PCDHGA2: variants seen among roughly 807,000 people sequenced by gnomAD.
The protein encoded by PCDHGA2 is protocadherin gamma-A2.
Under a neutral mutation model 59.2 loss-of-function variants are expected in PCDHGA2, and 40 were observed. The observed-to-expected ratio is 0.68, with a 90% CI of 0.52 to 0.88. The LOEUF (loss-of-function observed/expected upper bound fraction) is 0.88. Ranked by LOEUF, PCDHGA2 falls within the 40% of genes least tolerant of loss-of-function variation. The probability of loss-of-function intolerance (pLI) is 0.00; values close to 1 mark genes in which losing one functional copy is unlikely to be tolerated. For synonymous variants in PCDHGA2, 560 were observed against 526.0 expected (o/e 1.06, Z -0.89); for missense variants, 1,226 against 1,204.0 (o/e 1.02, Z -0.27).
chr5:141,366,958 A>G, intron 1 of PCDHGA2: 1 of 658,344 alleles, frequency 1.5e-6, no homozygotes, highest in Non-Finnish European at 2.4e-6. Flanking sequence ...TGTAGACTTA[A>G]GTGAAACAAA....
chr5:141,507,849 C>CA (rs2099864208), intron 3 of PCDHGA2, among the ~76,000 whole-genome samples: 1 of 152,222 alleles, frequency 6.6e-6, no homozygotes, highest in African/African-American at 2.4e-5. Flanking sequence ...GCCCTGCTCT[C>CA]ACTTTCACAC....
chr5:141,392,511 A>T (rs1368500575), intron 1 of PCDHGA2: 1 of 240,352 alleles, frequency 4.2e-6, no homozygotes, highest in Non-Finnish European at 7.9e-6. Flanking sequence ...TTTTTTTCTC[A>T]GTAATCTAGT....
Position 141,485,210 on chromosome 5 carries a change from C to T in PCDHGA2, c.2425-9597C>T, listed in dbSNP as rs2099609472. 1.2e-6 allele frequency: 2 copies of T among 1,614,058 alleles called. No individual in the cohort carries two copies. The highest frequency in any genetic ancestry group is 1.3e-5 in the African/African-American group (1 of 75,046). ...GGTGAGAAGCTGGACAGAAATCTGG[C>T]GGTGGGCTACCCTTTTGTTCCTCTT... On this transcript the variant is annotated intron_variant, in intron 1 of 3. Coordinates refer to ENST00000394576, the MANE Select transcript of PCDHGA2 (RefSeq NM_018915.4). The surrounding 1 kb of genome is among the most constrained non-coding windows in gnomAD (Gnocchi z 5.7).
intron 1 of PCDHGA2, chr5:141,384,729 G>C: frequency 6.2e-7 from 1 of 1,614,122 alleles, no homozygotes; most frequent in Middle Eastern, 1.7e-4. Flanking sequence ...TCCTGCTTAA[G>C]GCCAGCGAGC....
At chr5:141,371,032 C>T (rs547337082) in intron 1 of PCDHGA2, 1 of 1,614,002 alleles carries the variant, frequency 6.2e-7, no homozygotes, top group Admixed American at 1.7e-5. Context: ...CTGGTCCTCA[C>T]AGCTGTGGAT....
In PCDHGA2 at chr5:141,506,418, G is replaced by A. The variant is rs2099853241; in HGVS notation, c.2572+937G>A. Among the ~76,000 whole-genome samples, 3 of 141,160 alleles carry A rather than the reference G, an allele frequency of 2.1e-5. No homozygotes were observed. The South Asian group carries it at 6.6e-4, about 31-fold the overall frequency. 92.6% of individuals were successfully genotyped at this position (141,160 alleles called of 152,430 possible). The stretch of plus-strand genomic sequence containing the variant: ...CAGAAAATCGCACCACTGCACTCCA[G>A]CCTGGGCAACAGTCTCGCTCTGTCT... On this transcript the variant is annotated intron_variant, in intron 3 of 3. Coordinates refer to ENST00000394576, the MANE Select transcript of PCDHGA2 (RefSeq NM_018915.4).
intron 1 of PCDHGA2, chr5:141,350,025 G>C (rs990697407): frequency 2.7e-6 from 1 of 371,730 alleles, no homozygotes; most frequent in Non-Finnish European, 4.8e-6. Context: ...AGTTTTCCAA[G>C]ACAACCTCTG....
chr5:141,413,140 A>T (rs2095607783), intron 1 of PCDHGA2: 1 of 1,563,150 alleles, frequency 6.4e-7, no homozygotes, highest in Non-Finnish European at 8.7e-7. Flanking sequence ...CAACGTGTCC[A>T]GTGAGGACTT....
intron 1 of PCDHGA2, chr5:141,345,016 T>C: frequency 6.2e-7 from 1 of 1,614,016 alleles, no homozygotes; most frequent in Non-Finnish European, 8.5e-7. Flanking sequence ...CCAGGTCTTC[T>C]TTCAAGAGCC....
At chr5:141,356,958 C>T in intron 1 of PCDHGA2, 1 of 1,614,256 alleles carries the variant, frequency 6.2e-7, no homozygotes, top group Non-Finnish European at 8.5e-7. Context: ...ATTCCGGCTA[C>T]CTGGTGACCA....
Position 141,485,182 on chromosome 5 carries a change from C to A in PCDHGA2, c.2425-9625C>A. 6.2e-7 allele frequency: 1 copy of A among 1,613,070 alleles called. No individual in the cohort carries two copies. The highest frequency in any genetic ancestry group is 8.5e-7 in the Non-Finnish European group (1 of 1,179,154). On this transcript the variant is annotated intron_variant, in intron 1 of 3. Coordinates refer to ENST00000394576, the MANE Select transcript of PCDHGA2 (RefSeq NM_018915.4). This position sits in a 1 kb window ranked among gnomAD's most constrained non-coding sequence, Gnocchi z 5.7. ...ATTAGCGGGCGGCAGCAATGCTCCG[C>A]AAGGTGAGAAGCTGGACAGAAATCT...
intron 1 of PCDHGA2, chr5:141,419,337 C>A (rs1283848400): frequency 6.2e-7 from 1 of 1,613,906 alleles, no homozygotes; most frequent in South Asian, 1.1e-5. Flanking sequence ...TCTCTCATTG[C>A]CAGCGACCTG....
intron 1 of PCDHGA2, among the ~76,000 whole-genome samples, chr5:141,470,504 G>A (rs914828244): frequency 6.6e-6 from 1 of 152,114 alleles, no homozygotes; most frequent in Admixed American, 6.6e-5. Flanking sequence ...TAGGTAATTA[G>A]ACAGTTAGCT....
chr5:141,350,461 T>G, intron 1 of PCDHGA2: 1 of 1,613,880 alleles, frequency 6.2e-7, no homozygotes, highest in African/African-American at 1.3e-5. Context: ...TGCGGGTTAG[T>G]GCAGAGGATT....
chr5:141,411,193 AAAAC>A (rs1267742802), intron 1 of PCDHGA2: 2 of 152,212 alleles, frequency 1.3e-5, no homozygotes, highest in African/African-American at 4.8e-5. Flanking sequence ...GGCATCTAAG[AAAAC>A]AAACAAGTAA....
Position 141,511,464 on chromosome 5 carries a change from C to G in PCDHGA2, c.*291C>G. 1.9e-6 allele frequency: 1 copy of G among 538,254 alleles called. No individual in the cohort carries two copies. The highest frequency in any genetic ancestry group is 2.1e-5 in the South Asian group (1 of 47,028). The allele number at this position is 538,254 out of a possible 1,614,324, so 33.3% of individuals were successfully genotyped here. On this transcript the variant is annotated 3_prime_UTR_variant, in exon 4 of 4. Transcript: ENST00000394576. ...ACACCAAGAACCATTTGCCACACCC[C>G]GTTTAGTTACAGCTGAACTCCTCCA...
In PCDHGA2 at chr5:141,364,194, C is replaced by T. The variant is rs189249749; in HGVS notation, c.2424+22799C>T. The T allele has an allele frequency of 6.4e-5, 68 of 1,068,708 alleles. No homozygotes were observed. The Admixed American group carries it at 2.2e-3, about 35-fold the overall frequency. The allele number at this position is 1,068,708 out of a possible 1,614,324, so 66.2% of individuals were successfully genotyped here. A position where few individuals can be genotyped will look rare whatever the true frequency, so the allele number is the denominator to read the frequency against. On this transcript the variant is annotated intron_variant, in intron 1 of 3. Transcript: ENST00000394576. ...CTCTGCTCCCTCCATACTAAACACA[C>T]AGACCAGACAAGCTCCTACGAAAAG...
At position 141,489,090 on chromosome 5, in the gene PCDHGA2, C is replaced by A; in HGVS notation, c.2425-5717C>A. On this transcript the variant is annotated intron_variant, in intron 1 of 3. Transcript: ENST00000394576. The surrounding 1 kb of genome is among the most constrained non-coding windows in gnomAD (Gnocchi z 4.5). Reference sequence around the variant, plus strand: ...CCTGCCCACCCCCGCCACTCGGTGACTAAGAACTGCTGCAAGCAGGCAAAC... The same window carrying A: ...CCTGCCCACCCCCGCCACTCGGTGAATAAGAACTGCTGCAAGCAGGCAAAC... The A allele has an allele frequency of 1.5e-5, 5 of 328,802 alleles. No individual in the cohort carries two copies. The highest frequency in any genetic ancestry group is 4.8e-5 in the East Asian group (1 of 20,928). 20.4% of individuals were successfully genotyped at this position (328,802 alleles called of 1,614,324 possible).
rs183531575 is a variant in PCDHGA2 at position 141,469,308 on chromosome 5, G to A, written c.2425-25499G>A. Among the ~76,000 whole-genome samples the A allele has an allele frequency of 2.5e-3, 379 of 152,184 alleles. 1 individual carries two copies. The highest frequency in any genetic ancestry group is 5.8e-3 in the South Asian group (28 of 4,814). On this transcript the variant is annotated intron_variant, in intron 1 of 3. Transcript: ENST00000394576. ...TAAAACAAAATAGACTGGGCACGAT[G>A]GCTCACGCCTGTAATCCCACCACTT...
Sources: allele counts gnomAD v4.1 joint callset (sites outside exome capture counted in the v4.1 genomes callset), GRCh38; gene constraint gnomAD v4.1.1; non-coding constraint Gnocchi (gnomAD v3.1); transcripts MANE v1.5; gene names NCBI Gene and HGNC (gene_info 2026-07-23, HGNC 2026-07-21).